The following GABRB3 variants were observed in gnomAD, a reference collection of about 807,000 sequenced individuals.
The protein encoded by GABRB3 is gamma-aminobutyric acid type A receptor subunit beta3.
GABRB3 carries 14 observed loss-of-function variants against 52.1 expected under a neutral mutation model. The observed-to-expected ratio is 0.27, with a 90% CI of 0.18 to 0.42. The LOEUF (loss-of-function observed/expected upper bound fraction) is 0.42, where lower values mean the gene tolerates loss of function less well. Among genes scored for constraint, GABRB3 ranks in the 10% least tolerant of loss-of-function variants. The pLI is 1.00. For synonymous variants in GABRB3, 260 were observed against 232.3 expected (o/e 1.12, Z -1.08); for missense variants, 307 against 609.1 (o/e 0.50, Z 5.22).
At chr15:26,636,109 T>C (rs1893053191) in intron 3 of GABRB3, among the ~76,000 whole-genome samples, 1 of 152,232 alleles carries the variant, frequency 6.6e-6, no homozygotes, top group African/African-American at 2.4e-5. Flanking sequence ...GGAACTACCA[T>C]GCAGGTTTCA....
intron 3 of GABRB3, among the ~76,000 whole-genome samples, chr15:26,684,065 G>A (rs1296997551): frequency 1.3e-5 from 2 of 152,132 alleles, no homozygotes; most frequent in African/African-American, 4.8e-5. Flanking sequence ...GACAGCAGGT[G>A]GCACTTCAGG....
intron 3 of GABRB3, among the ~76,000 whole-genome samples, chr15:26,644,878 C>A (rs1893307489): frequency 6.6e-6 from 1 of 152,156 alleles, no homozygotes; most frequent in South Asian, 2.1e-4. Flanking sequence ...TGGAGACTCA[C>A]AGAAAACTTG....
rs377355563 is a variant in GABRB3 at position 26,718,471 on chromosome 15, A to G, written c.240+53931T>C. ...TGATCCGCCCACCTCAGCCTCCCAA[A>G]GTGCTGGGATTACAGGCGTGAGCCA... On this transcript the variant is annotated intron_variant, in intron 3 of 8. Transcript: ENST00000311550. 3.7e-4 allele frequency among the ~76,000 whole-genome samples: 56 copies of G among 152,314 alleles called. No homozygotes were observed. In the South Asian group the frequency reaches 0.011, roughly 30 times the overall value.
intron 3 of GABRB3, among the ~76,000 whole-genome samples, chr15:26,737,232 G>T (rs12443396): frequency 1.3e-5 from 2 of 152,294 alleles, no homozygotes; most frequent in Admixed American, 1.3e-4. Flanking sequence ...CAAAAGCAGT[G>T]ATGACTCGAT....
chr15:26,765,129 C>CAAAAAAAAA (rs3917083), intron 3 of GABRB3, among the ~76,000 whole-genome samples: 1 of 111,040 alleles, frequency 9.0e-6, no homozygotes, highest in Non-Finnish European at 1.7e-5. Flanking sequence ...GACTCCGACT[C>CAAAAAAAAA]AAAAAAAAAA....
intron 3 of GABRB3, among the ~76,000 whole-genome samples, chr15:26,673,651 T>C (rs1887968169): frequency 1.3e-5 from 2 of 152,188 alleles, no homozygotes; most frequent in Non-Finnish European, 1.5e-5. Context: ...AGCTCCCTCA[T>C]TCAGAGCAAA....
At position 26,654,808 on chromosome 15, in the gene GABRB3, T is replaced by G. The variant is rs114740818; in HGVS notation, c.241-33274A>C. Among the ~76,000 whole-genome samples, 845 of 152,156 alleles carry G rather than the reference T, an allele frequency of 5.6e-3. 6 individuals carry two copies. Among genetic ancestry groups the G allele is most frequent in the African/African-American group, 0.017 (703 of 41,522 alleles). ...ATTTCATTTATCTTTGTAAATTTTT[T>G]TTTGTTTGTTTTTGGTTTTGGTTTT... On this transcript the variant is annotated intron_variant, in intron 3 of 8. Transcript: ENST00000311550.
chr15:26,629,774 G>A (rs1892861523), intron 3 of GABRB3, among the ~76,000 whole-genome samples: 1 of 152,176 alleles, frequency 6.6e-6, no homozygotes, highest in Non-Finnish European at 1.5e-5. Flanking sequence ...AGTGGGAGTT[G>A]AGATTTATAG....
At chr15:26,755,067 A>T (rs1435550046) in intron 3 of GABRB3, among the ~76,000 whole-genome samples, 1 of 146,594 alleles carries the variant, frequency 6.8e-6, no homozygotes, top group East Asian at 2.0e-4. Context: ...GCAGTGGTGC[A>T]ATCTCAGCTC....
chr15:26,572,953 CTGGGT>C (rs1161014295), intron 6 of GABRB3, among the ~76,000 whole-genome samples: 1 of 152,194 alleles, frequency 6.6e-6, no homozygotes, highest in Non-Finnish European at 1.5e-5. Flanking sequence ...AAACACAGCT[CTGGGT>C]CTCTAATCCA....
Position 26,561,025 on chromosome 15 carries a change from G to A in GABRB3, c.987C>T (p.Tyr329=). The change falls in exon 8 of 9, where the codon TAC becomes TAT. Residue 329 remains tyrosine, a synonymous_variant. Transcript: ENST00000311550. ...LALLEYAFVN[Y]IFFGRGPQRQ... ...TTTGAGGGCCTCTTCCAAAGAAAAT[G>A]TAGTTGACAAAGGCATACTCCAGAA... 1.2e-6 allele frequency: 2 copies of A among 1,614,160 alleles called. No individual in the cohort carries two copies. The highest frequency in any genetic ancestry group is 1.7e-6 in the Non-Finnish European group (2 of 1,180,022).
rs112810151 is a variant in GABRB3 at position 26,676,316 on chromosome 15, T to TG, written c.241-54783dup. Among the ~76,000 whole-genome samples the TG allele has an allele frequency of 4.8e-3, 738 of 152,330 alleles. 12 individuals are homozygous for TG. The highest frequency in any genetic ancestry group is 0.017 in the African/African-American group (702 of 41,576). ...CCTCTTCTCTTTTCATTTCTGACTG[T>TG]GGTCCTGCCAAGTCCCTGGGGGTGG... On this transcript the variant is annotated intron_variant, in intron 3 of 8. Transcript: ENST00000311550.
intron 3 of GABRB3, among the ~76,000 whole-genome samples, chr15:26,653,662 G>A (rs1595510407): frequency 6.6e-6 from 1 of 152,288 alleles, no homozygotes; most frequent in South Asian, 2.1e-4. Flanking sequence ...TATATTGGCT[G>A]TATCTGGGCA....
chr15:26,624,828 C>A (rs910549639), intron 3 of GABRB3: 2 of 985,358 alleles, frequency 2.0e-6, no homozygotes, highest in East Asian at 1.1e-4. Flanking sequence ...CTCGTGCAGC[C>A]GGGAGTAGCA....
chr15:26,662,380 TC>T (rs1887579236), intron 3 of GABRB3, among the ~76,000 whole-genome samples: 1 of 152,076 alleles, frequency 6.6e-6, no homozygotes, highest in Admixed American at 6.6e-5. Context: ...AGCTCAGCCA[TC>T]CTCCCTCCCT....
chr15:26,616,868 T>C (rs537726359), intron 4 of GABRB3, among the ~76,000 whole-genome samples: 1 of 152,206 alleles, frequency 6.6e-6, no homozygotes, highest in African/African-American at 2.4e-5. Context: ...AGCTTTTTTA[T>C]GTATTACATA....
intron 3 of GABRB3, among the ~76,000 whole-genome samples, chr15:26,677,337 C>T (rs564759945): frequency 6.6e-6 from 1 of 152,284 alleles, no homozygotes; most frequent in South Asian, 2.1e-4. Flanking sequence ...AGAGATCATA[C>T]AAATCTTGTT....
At chr15:26,747,303 T>C (rs543908759) in intron 3 of GABRB3, among the ~76,000 whole-genome samples, 14 of 152,334 alleles carry the variant, frequency 9.2e-5, no homozygotes, top group African/African-American at 3.4e-4. Flanking sequence ...CATAAAACTA[T>C]AGATTGATTT....
chr15:26,654,691 T>C (rs1887311175), intron 3 of GABRB3, among the ~76,000 whole-genome samples: 1 of 152,094 alleles, frequency 6.6e-6, no homozygotes, highest in Non-Finnish European at 1.5e-5. Flanking sequence ...AGACCAGGAA[T>C]TCAAGGCTGC....
Sources: allele counts gnomAD v4.1 joint callset (sites outside exome capture counted in the v4.1 genomes callset), GRCh38; gene constraint gnomAD v4.1.1; transcripts MANE v1.5; gene names NCBI Gene and HGNC (gene_info 2026-07-23, HGNC 2026-07-21).